The following RASSF3 variants were observed in gnomAD, a reference collection of about 807,000 sequenced individuals.
RASSF3 encodes ras association domain-containing protein 3.
RASSF3 carries 19 observed loss-of-function variants against 19.9 expected under a neutral mutation model. The ratio of observed to expected loss-of-function variants is 0.96; its 90% CI spans 0.67 to 1.40. The LOEUF (loss-of-function observed/expected upper bound fraction) is 1.40, where lower values mean the gene tolerates loss of function less well. RASSF3 is among the 40% of genes most tolerant of loss of function. The probability of loss-of-function intolerance (pLI) is 0.00; values close to 1 mark genes in which losing one functional copy is unlikely to be tolerated. For missense variants in RASSF3, 306 were observed against 289.8 expected (o/e 1.06, Z -0.41); for synonymous variants, 110 against 104.2 (o/e 1.06, Z -0.34).
intron 1 of RASSF3, among the ~76,000 whole-genome samples, chr12:64,632,269 G>C (rs1188039181): frequency 6.6e-6 from 1 of 152,132 alleles, no homozygotes; most frequent in Non-Finnish European, 1.5e-5. Context: ...CAAAGGTGTG[G>C]TGAAAAACTA....
chr12:64,553,672 T>G (rs2136122256), intron 2 of RASSF3, among the ~76,000 whole-genome samples: 1 of 152,186 alleles, frequency 6.6e-6, no homozygotes, highest in Middle Eastern at 3.4e-3. Flanking sequence ...GAAGGGAAGT[T>G]TCTTAATTTA....
chr12:64,696,208 C>T lies in RASSF3; in HGVS notation c.*1296C>T, dbSNP rs1443829098. On this transcript the variant is annotated 3_prime_UTR_variant, in exon 5 of 5. Coordinates refer to ENST00000542104, the MANE Select transcript of RASSF3 (RefSeq NM_178169.4). Reference sequence around the variant, plus strand: ...AGAGAACAGGGCTATTGAATAAAGACCCAATCCTACCAGATCTTTAGTTCT... The same window carrying T: ...AGAGAACAGGGCTATTGAATAAAGATCCAATCCTACCAGATCTTTAGTTCT... 1 of 149,890 alleles carries T rather than the reference C, an allele frequency of 6.7e-6. No homozygotes were observed. The highest frequency in any genetic ancestry group is 1.5e-5 in the Non-Finnish European group (1 of 67,658). 9.3% of individuals were successfully genotyped at this position (149,890 alleles called of 1,614,324 possible).
chr12:64,645,421 A>C (rs1052823241), intron 1 of RASSF3, among the ~76,000 whole-genome samples: 1 of 152,062 alleles, frequency 6.6e-6, no homozygotes, highest in African/African-American at 2.4e-5. Flanking sequence ...TTGGCGAGGC[A>C]TGACACTTTG....
intron 1 of RASSF3, among the ~76,000 whole-genome samples, chr12:64,629,042 G>A (rs1454044271): frequency 2.0e-5 from 3 of 150,674 alleles, no homozygotes; most frequent in East Asian, 2.0e-4. Context: ...TCAAGTGATC[G>A]TTCCAGTTCA....
intron 1 of RASSF3, among the ~76,000 whole-genome samples, chr12:64,677,606 G>C (rs1182880428): frequency 6.6e-6 from 1 of 152,030 alleles, no homozygotes; most frequent in African/African-American, 2.4e-5. Flanking sequence ...TAGAAGTTTT[G>C]GTACTGAAAG....
chr12:64,672,105 A>G (rs1872719708), intron 1 of RASSF3, among the ~76,000 whole-genome samples: 1 of 152,186 alleles, frequency 6.6e-6, no homozygotes, highest in Non-Finnish European at 1.5e-5. Flanking sequence ...TTTATGGGGT[A>G]CATAAGATTT....
At chr12:64,573,614 CAT>C (rs1459263443) in intron 2 of RASSF3, among the ~76,000 whole-genome samples, 8 of 152,286 alleles carry the variant, frequency 5.3e-5, no homozygotes, top group African/African-American at 1.9e-4. Flanking sequence ...CAAACTCAGT[CAT>C]GTGTATTTAT....
intron 1 of RASSF3, among the ~76,000 whole-genome samples, chr12:64,621,075 A>G (rs1398011339): frequency 6.6e-6 from 1 of 151,950 alleles, no homozygotes; most frequent in African/African-American, 2.4e-5. Flanking sequence ...AGCTGGGATT[A>G]CAGGCGCCTG....
chr12:64,584,229 A>ATC (rs1466305289), intron 2 of RASSF3, among the ~76,000 whole-genome samples: 1 of 152,232 alleles, frequency 6.6e-6, no homozygotes, highest in Non-Finnish European at 1.5e-5. Flanking sequence ...CAACAGAGAA[A>ATC]TCTCCACTTT....
chr12:64,595,975 A>G (rs1004661447), intron 2 of RASSF3, among the ~76,000 whole-genome samples: 4 of 152,130 alleles, frequency 2.6e-5, no homozygotes, highest in African/African-American at 9.7e-5. Flanking sequence ...TTTCTTTGTA[A>G]AAGCTATCCA....
intron 2 of RASSF3, among the ~76,000 whole-genome samples, chr12:64,568,394 G>A (rs574996552): frequency 2.6e-5 from 4 of 152,222 alleles, no homozygotes; most frequent in African/African-American, 9.6e-5. Context: ...TCAGAAAATT[G>A]TTTATTTGAA....
At chr12:64,641,801 A>G (rs2464347) in intron 1 of RASSF3, among the ~76,000 whole-genome samples, 65,599 of 150,740 alleles carry the variant, frequency 0.44, 14,534 homozygotes, top group African/African-American at 0.49. Flanking sequence ...AGAGTGCAGT[A>G]GTGTGATCTC....
intron 2 of RASSF3, among the ~76,000 whole-genome samples, chr12:64,588,076 A>G (rs1232416870): frequency 1.3e-5 from 2 of 152,166 alleles, no homozygotes; most frequent in East Asian, 1.9e-4. Context: ...CATTCTTTAC[A>G]TCCCCCCACA....
At chr12:64,635,638 A>G (rs1477145581) in intron 1 of RASSF3, among the ~76,000 whole-genome samples, 2 of 152,240 alleles carry the variant, frequency 1.3e-5, no homozygotes, top group Non-Finnish European at 2.9e-5. Context: ...GTAGCTGGTA[A>G]TTAGATTAAC....
chr12:64,678,826 GC>G (rs1400703678), intron 1 of RASSF3, among the ~76,000 whole-genome samples: 1 of 152,058 alleles, frequency 6.6e-6, no homozygotes, highest in Non-Finnish European at 1.5e-5. Flanking sequence ...TTGAATAATG[GC>G]TTATATTATA....
upstream of RASSF3, among the ~76,000 whole-genome samples, chr12:64,606,561 C>T (rs1419946661): frequency 6.6e-6 from 1 of 152,144 alleles, no homozygotes; most frequent in East Asian, 1.9e-4. Context: ...TTAAAGGTCA[C>T]ATAAGAGTCA....
intron 1 of RASSF3, among the ~76,000 whole-genome samples, chr12:64,679,553 C>G (rs1462514547): frequency 6.6e-6 from 1 of 152,086 alleles, no homozygotes; most frequent in African/African-American, 2.4e-5. Flanking sequence ...TTGGGCCGCA[C>G]TTCTTGAGTA....
At chr12:64,515,807 G>C (rs1868360275) in intron 1 of RASSF3, among the ~76,000 whole-genome samples, 1 of 152,072 alleles carries the variant, frequency 6.6e-6, no homozygotes, top group African/African-American at 2.4e-5. Flanking sequence ...TTACAAGCAA[G>C]AGCCACCACA....
chr12:64,688,339 A>G lies in RASSF3; in HGVS notation c.343A>G (p.Ile115Val), dbSNP rs1873439435. 2 of 1,613,954 alleles carry G rather than the reference A, an allele frequency of 1.2e-6. No individual in the cohort carries two copies. Among genetic ancestry groups the G allele is most frequent in the Non-Finnish European group, 1.7e-6 (2 of 1,179,904 alleles). The change falls in exon 3 of 5, where the codon ATC becomes GTC. Residue 115 changes from isoleucine to valine, a missense_variant. Coordinates refer to ENST00000542104, the MANE Select transcript of RASSF3 (RefSeq NM_178169.4). ...CAATGGCTGTATGAATACACTTCAT[A>G]TCAGCAGCACAAACACTGTCGGGGA... ...SSNGCMNTLH[I>V]SSTNTVGEVI... is the part of the protein sequence containing the mutation.
Sources: allele counts gnomAD v4.1 joint callset (sites outside exome capture counted in the v4.1 genomes callset), GRCh38; gene constraint gnomAD v4.1.1; transcripts MANE v1.5; gene names NCBI Gene and HGNC (gene_info 2026-07-23, HGNC 2026-07-21).